MYO3A: variants seen among roughly 807,000 people sequenced by gnomAD.
MYO3A encodes myosin IIIA, also known as myosin-IIIa.
Under a neutral mutation model 192.7 loss-of-function variants are expected in MYO3A, and 180 were observed. The observed-to-expected ratio is 0.93, with a 90% confidence interval of 0.83 to 1.06. MYO3A has a LOEUF of 1.06. Ranked by LOEUF, MYO3A falls within the 50% of genes least tolerant of loss-of-function variation. The pLI, the probability that MYO3A is intolerant of heterozygous loss-of-function variation, is 0.00. For missense variants in MYO3A, 1,896 were observed against 1,905.0 expected (o/e 1.00, Z 0.09); for synonymous variants, 628 against 645.3 (o/e 0.97, Z 0.41).
At chr10:26,194,336 G>C (rs16926660) in intron 32 of MYO3A, among the ~76,000 whole-genome samples, 1 of 152,074 alleles carries the variant, frequency 6.6e-6, no homozygotes, top group African/African-American at 2.4e-5. Flanking sequence ...CGTGGGACCC[G>C]TGACTGCTTT....
At chr10:25,988,526 G>T (rs1265826864) in intron 4 of MYO3A, among the ~76,000 whole-genome samples, 1 of 152,152 alleles carries the variant, frequency 6.6e-6, no homozygotes, top group Non-Finnish European at 1.5e-5. Context: ...AAACAGTCTG[G>T]CTGATGCAGA....
At chr10:26,160,076 A>G (rs1841407032) in intron 26 of MYO3A, among the ~76,000 whole-genome samples, 1 of 152,116 alleles carries the variant, frequency 6.6e-6, no homozygotes, top group African/African-American at 2.4e-5. Flanking sequence ...CATGTTTCAG[A>G]AAAAAATGAG....
chr10:26,056,914 C>A (rs919030978), intron 10 of MYO3A, among the ~76,000 whole-genome samples: 2 of 151,490 alleles, frequency 1.3e-5, no homozygotes, highest in Admixed American at 1.3e-4. Context: ...GTGTCATTGA[C>A]TGAGGTAGAG....
chr10:26,177,786 G>A (rs1235752536), intron 31 of MYO3A, among the ~76,000 whole-genome samples: 1 of 152,214 alleles, frequency 6.6e-6, no homozygotes, highest in East Asian at 1.9e-4. Flanking sequence ...GACAGGAGGA[G>A]CCACTGACCT....
chr10:26,054,693 A>G (rs1844210238), intron 10 of MYO3A, among the ~76,000 whole-genome samples: 1 of 152,220 alleles, frequency 6.6e-6, no homozygotes, highest in African/African-American at 2.4e-5. Context: ...CAAGAAGGTT[A>G]GTGAGGGAGA....
At chr10:25,992,755 A>G (rs1390971850) in intron 4 of MYO3A, among the ~76,000 whole-genome samples, 1 of 152,146 alleles carries the variant, frequency 6.6e-6, no homozygotes, top group Non-Finnish European at 1.5e-5. Context: ...TTCTGCATCT[A>G]TTGAGATAAT....
At chr10:26,029,990 T>C (rs1025438060) in intron 10 of MYO3A, among the ~76,000 whole-genome samples, 3 of 152,156 alleles carry the variant, frequency 2.0e-5, no homozygotes. Context: ...CAGATCCAGT[T>C]GCTGAGCCAG....
At chr10:25,991,174 G>C (rs1283421936) in intron 4 of MYO3A, among the ~76,000 whole-genome samples, 4 of 152,162 alleles carry the variant, frequency 2.6e-5, no homozygotes, top group Admixed American at 2.6e-4. Flanking sequence ...TCCAGCACCT[G>C]TTGTTTCCTG....
chr10:26,179,671 A>G (rs1842521628), intron 31 of MYO3A, among the ~76,000 whole-genome samples: 1 of 152,212 alleles, frequency 6.6e-6, no homozygotes, highest in Non-Finnish European at 1.5e-5. Context: ...TTTTATGCAA[A>G]CACATTCAAA....
chr10:26,190,455 G>C (rs1252222473), intron 31 of MYO3A, among the ~76,000 whole-genome samples: 1 of 152,162 alleles, frequency 6.6e-6, no homozygotes, highest in African/African-American at 2.4e-5. Context: ...TAAGAAATTA[G>C]GGCAGGAGCT....
At chr10:26,155,327 G>A (rs949645551) in intron 25 of MYO3A, among the ~76,000 whole-genome samples, 14 of 152,282 alleles carry the variant, frequency 9.2e-5, no homozygotes, top group Admixed American at 8.5e-4. Context: ...AAGAGAGTGT[G>A]CTTAGCATAG....
At chr10:26,187,271 C>A (rs972443710) in intron 31 of MYO3A, among the ~76,000 whole-genome samples, 1 of 152,030 alleles carries the variant, frequency 6.6e-6, no homozygotes, top group African/African-American at 2.4e-5. Flanking sequence ...AAATAGTAAG[C>A]GGCAAGAATA....
chr10:26,026,680 C>A, intron 10 of MYO3A, 148 bp downstream of exon 10: 2 of 916,984 alleles, frequency 2.2e-6, no homozygotes, highest in Non-Finnish European at 3.4e-6. Context: ...AAATGCCTCT[C>A]AATATTGGTA....
At chr10:26,054,566 G>T (rs1844202095) in intron 10 of MYO3A, among the ~76,000 whole-genome samples, 1 of 152,154 alleles carries the variant, frequency 6.6e-6, no homozygotes, top group African/African-American at 2.4e-5. Flanking sequence ...ATATTACTTT[G>T]CCTGGCAAAA....
intron 14 of MYO3A, among the ~76,000 whole-genome samples, chr10:26,086,464 T>C (rs1836322051): frequency 6.6e-6 from 1 of 152,158 alleles, no homozygotes; most frequent in African/African-American, 2.4e-5. Context: ...TTGATGTCAC[T>C]CCTAATTCAA....
intron 26 of MYO3A, among the ~76,000 whole-genome samples, chr10:26,160,979 G>T (rs1311914487): frequency 6.6e-6 from 1 of 152,160 alleles, no homozygotes; most frequent in East Asian, 1.9e-4. Context: ...TGTCAGAAAT[G>T]AGAATAAATT....
chr10:25,963,865 T>TA (rs140524696), intron 4 of MYO3A, among the ~76,000 whole-genome samples: 1,711 of 152,282 alleles, frequency 0.011, 37 homozygotes, highest in African/African-American at 0.037. Flanking sequence ...ACATAATATA[T>TA]ATAACTCTTA....
intron 14 of MYO3A, among the ~76,000 whole-genome samples, chr10:26,078,634 T>A (rs970877442): frequency 1.3e-5 from 2 of 152,256 alleles, no homozygotes; most frequent in African/African-American, 4.8e-5. Context: ...GTTTTTTTGA[T>A]GTAAGCATTT....
At chr10:26,017,242 C>T (rs1412792831) in intron 7 of MYO3A, among the ~76,000 whole-genome samples, 2 of 152,112 alleles carry the variant, frequency 1.3e-5, no homozygotes, top group Admixed American at 6.6e-5. Flanking sequence ...ATAATATTAT[C>T]GGAACCCCTA....
Sources: gnomAD v4.1 joint callset for allele counts (sites outside exome capture counted in the v4.1 genomes callset) on GRCh38, gnomAD v4.1.1 for gene constraint, MANE v1.5 for transcripts, NCBI Gene and HGNC (gene_info 2026-07-23, HGNC 2026-07-21) for gene names.